The following CERS5 variants were observed in gnomAD, a reference collection of about 807,000 sequenced individuals.
The protein encoded by CERS5 is LAG1 homolog, ceramide synthase 5.
A neutral mutation model predicts 58.9 loss-of-function variants in CERS5; 37 were observed. The observed-to-expected ratio is 0.63, with a 90% CI of 0.48 to 0.83. The LOEUF is 0.83. Ranked by LOEUF, CERS5 falls within the 40% of genes least tolerant of loss-of-function variation. The probability of loss-of-function intolerance (pLI) is 0.00; values close to 1 mark genes in which losing one functional copy is unlikely to be tolerated. For missense variants in CERS5, 398 were observed against 489.3 expected (o/e 0.81, Z 1.76); for synonymous variants, 147 against 177.8 (o/e 0.83, Z 1.38).
intron 4 of CERS5, among the ~76,000 whole-genome samples, chr12:50,141,729 A>C (rs113112530): frequency 1.1e-4 from 16 of 152,120 alleles, no homozygotes; most frequent in African/African-American, 3.9e-4. Context: ...ACCTGAGGTC[A>C]GGAGTTCAAG....
At chr12:50,153,047 G>A (rs1180961628) in intron 1 of CERS5, among the ~76,000 whole-genome samples, 1 of 151,930 alleles carries the variant, frequency 6.6e-6, no homozygotes, top group Non-Finnish European at 1.5e-5. Flanking sequence ...TCCAGCCTGG[G>A]CGACAGAGCA....
chr12:50,156,505 A>T (rs1365788901), intron 1 of CERS5, among the ~76,000 whole-genome samples: 2 of 147,562 alleles, frequency 1.4e-5, no homozygotes, highest in Non-Finnish European at 3.0e-5. Context: ...CTGAGGTGGG[A>T]GGATTGTTTG....
intron 1 of CERS5, among the ~76,000 whole-genome samples, chr12:50,163,584 A>T (rs1939544103): frequency 6.6e-6 from 1 of 152,166 alleles, no homozygotes; most frequent in Non-Finnish European, 1.5e-5. Context: ...TAATCCCAAA[A>T]CTTTGGGAAG....
At chr12:50,157,477 AT>A (rs1303668817) in intron 1 of CERS5, among the ~76,000 whole-genome samples, 1 of 151,970 alleles carries the variant, frequency 6.6e-6, no homozygotes, top group African/African-American at 2.4e-5. Context: ...GCTAATATGA[AT>A]GTACAAAGCA....
chr12:50,140,810 T>C (rs977857764), intron 4 of CERS5, among the ~76,000 whole-genome samples: 2 of 151,788 alleles, frequency 1.3e-5, no homozygotes, highest in Non-Finnish European at 2.9e-5. Context: ...TGGTTGATCA[T>C]GTCATTCATA....
chr12:50,139,306 C>T (rs1263902281), intron 4 of CERS5, among the ~76,000 whole-genome samples: 1 of 151,714 alleles, frequency 6.6e-6, no homozygotes, highest in Non-Finnish European at 1.5e-5. Context: ...AGAGTAAAAC[C>T]CCATCTCTAC....
chr12:50,158,754 A>G (rs778160449), intron 1 of CERS5, among the ~76,000 whole-genome samples: 1 of 152,170 alleles, frequency 6.6e-6, no homozygotes, highest in Non-Finnish European at 1.5e-5. Flanking sequence ...ATCTAGTTTG[A>G]GACACTTTAT....
Position 50,130,497 on chromosome 12 carries a change from C to T in CERS5, c.*48G>A. ...GGAAGGGCCAAGAGGAGTATGTTGC[C>T]AGTGGCCCTACAAGTCCATGTGTGC... On this transcript the variant is annotated 3_prime_UTR_variant, in exon 10 of 10. Transcript: ENST00000317551. 3 of 1,487,908 alleles carry T rather than the reference C, an allele frequency of 2.0e-6. No homozygotes were observed. Among genetic ancestry groups the T allele is most frequent in the Non-Finnish European group, 2.7e-6 (3 of 1,098,528 alleles). 92.2% of individuals were successfully genotyped at this position (1,487,908 alleles called of 1,614,324 possible).
intron 1 of CERS5, among the ~76,000 whole-genome samples, chr12:50,151,149 A>C (rs1250134833): frequency 6.6e-6 from 1 of 151,986 alleles, no homozygotes; most frequent in Non-Finnish European, 1.5e-5. Flanking sequence ...CCCCAAACTC[A>C]CAACTAAACT....
intron 1 of CERS5, among the ~76,000 whole-genome samples, chr12:50,155,009 C>T (rs531270939): frequency 4.2e-4 from 64 of 152,192 alleles, no homozygotes; most frequent in Admixed American, 1.5e-3. Context: ...AGGCGTGCAC[C>T]ACCATGCCTG....
At position 50,151,834 on chromosome 12, in the gene CERS5, C is replaced by T. The variant is rs143222865; in HGVS notation, c.198-7777G>A. 7.6e-3 allele frequency among the ~76,000 whole-genome samples: 1,162 copies of T among 152,256 alleles called. 13 individuals are homozygous for T. Among genetic ancestry groups the T allele is most frequent in the Non-Finnish European group, 9.3e-3 (635 of 68,014 alleles). ...CTAACTTTTGTATTTTTAGTAGACA[C>T]GGGTTTCACCATGCTGGCCAGGCTG... On this transcript the variant is annotated intron_variant, in intron 1 of 9. Coordinates refer to ENST00000317551, the MANE Select transcript of CERS5 (RefSeq NM_147190.5).
chr12:50,152,943 G>A (rs1021883308), intron 1 of CERS5, among the ~76,000 whole-genome samples: 3 of 151,902 alleles, frequency 2.0e-5, no homozygotes, highest in Admixed American at 6.6e-5. Context: ...GGTGGCGGCC[G>A]CCTGTAATCC....
In CERS5 at chr12:50,161,869, CTTTTTTTTTTT is replaced by C. The variant is rs765766688; in HGVS notation, c.197+5221_197+5231del. On this transcript the variant is annotated intron_variant, in intron 1 of 9. Coordinates refer to ENST00000317551, the MANE Select transcript of CERS5 (RefSeq NM_147190.5). ...GGATGAATACAGATTTGTTCTTCTT[CTTTTTTTTTTT>C]TTTTTTTTTTTTGAGACAGAGTCTC... Among the ~76,000 whole-genome samples the C allele has an allele frequency of 2.7e-4, 18 of 67,318 alleles. No homozygotes were observed. The South Asian group carries it at 9.8e-3, about 37-fold the overall frequency. 44.2% of individuals were successfully genotyped at this position (67,318 alleles called of 152,430 possible). A position where few individuals can be genotyped will look rare whatever the true frequency, so the allele number is the denominator to read the frequency against.
At chr12:50,153,859 C>T (rs1304527554) in intron 1 of CERS5, 1 of 424,724 alleles carries the variant, frequency 2.4e-6, no homozygotes, top group Admixed American at 2.7e-5. Flanking sequence ...AAGGCTGAGG[C>T]AGGAGAATCA....
chr12:50,142,642 A>G (rs545398092), intron 3 of CERS5, among the ~76,000 whole-genome samples: 128 of 152,220 alleles, frequency 8.4e-4, no homozygotes, highest in Non-Finnish European at 1.7e-3. Context: ...TCTTTACATG[A>G]CAATTACTAA....
Position 50,142,045 on chromosome 12 carries a change from A to T in CERS5, c.492+8T>A, listed in dbSNP as rs762189592. On this transcript the variant is annotated splice_region_variant and intron_variant, in intron 4 of 9. Transcript: ENST00000317551. ...CCCAACAGAGGACTAGAGAAAGTTA[A>T]GACTCACCGACCAGAGAAATCTAAT... is the stretch of plus-strand genomic sequence containing the variant. 6.4e-7 allele frequency: 1 copy of T among 1,558,838 alleles called. No homozygotes were observed. Among genetic ancestry groups the T allele is most frequent in the Non-Finnish European group, 8.8e-7 (1 of 1,130,186 alleles).
chr12:50,146,602 G>A (rs1290431323), intron 1 of CERS5, among the ~76,000 whole-genome samples: 1 of 152,206 alleles, frequency 6.6e-6, no homozygotes, highest in Non-Finnish European at 1.5e-5. Flanking sequence ...GCTCACGCTT[G>A]TAATCCCAGC....
chr12:50,153,252 T>C (rs1938170551), intron 1 of CERS5, among the ~76,000 whole-genome samples: 1 of 147,982 alleles, frequency 6.8e-6, no homozygotes, highest in Non-Finnish European at 1.5e-5. Context: ...TTGGTTATAA[T>C]GAGATAAACT....
At chr12:50,133,519 A>AT in intron 9 of CERS5, 2 of 989,036 alleles carry the variant, frequency 2.0e-6, no homozygotes, top group Admixed American at 5.9e-5. Flanking sequence ...GTGGCTTGTG[A>AT]ACTACCACAC....
Sources: allele counts gnomAD v4.1 joint callset (sites outside exome capture counted in the v4.1 genomes callset), GRCh38; gene constraint gnomAD v4.1.1; transcripts MANE v1.5; gene names NCBI Gene and HGNC (gene_info 2026-07-23, HGNC 2026-07-21).